PPM1E: variants seen among roughly 807,000 people sequenced by gnomAD.
PPM1E encodes protein phosphatase 1E.
In PPM1E, 20 loss-of-function variants were observed where a neutral mutation model predicts 65.9. The observed-to-expected ratio is 0.30, with a 90% CI of 0.21 to 0.44. The LOEUF (loss-of-function observed/expected upper bound fraction) is 0.44. Ranked by LOEUF, PPM1E falls within the 20% of genes least tolerant of loss-of-function variation. PPM1E has a pLI of 1.00. For synonymous variants in PPM1E, 352 were observed against 374.9 expected (o/e 0.94, Z 0.70); for missense variants, 713 against 953.1 (o/e 0.75, Z 3.32).
intron 1 of PPM1E, among the ~76,000 whole-genome samples, chr17:58,945,130 G>C (rs2052129791): frequency 6.7e-6 from 1 of 149,360 alleles, no homozygotes; most frequent in South Asian, 2.1e-4. Flanking sequence ...CTGTTTTTCT[G>C]TACAGTCACA....
chr17:58,894,646 C>G (rs1381289615), intron 1 of PPM1E, among the ~76,000 whole-genome samples: 1 of 152,104 alleles, frequency 6.6e-6, no homozygotes, highest in Non-Finnish European at 1.5e-5. Flanking sequence ...CTTCATTGAT[C>G]TTTCCCATGT....
At chr17:58,796,716 C>T (rs181984939) in intron 1 of PPM1E, among the ~76,000 whole-genome samples, 2 of 152,310 alleles carry the variant, frequency 1.3e-5, no homozygotes, top group East Asian at 3.9e-4. Flanking sequence ...ATACCCACAA[C>T]TTTGATTCTA....
intron 1 of PPM1E, among the ~76,000 whole-genome samples, chr17:58,815,723 T>C (rs1223470582): frequency 6.6e-6 from 1 of 152,200 alleles, no homozygotes; most frequent in Non-Finnish European, 1.5e-5. Flanking sequence ...AATAACAAAC[T>C]AATTGCAAGT....
intron 1 of PPM1E, among the ~76,000 whole-genome samples, chr17:58,904,534 T>G (rs994811782): frequency 6.6e-6 from 1 of 152,208 alleles, no homozygotes; most frequent in Admixed American, 6.5e-5. Flanking sequence ...CTAGAAGATA[T>G]CTGCAAAATA....
chr17:58,759,005 G>T, intron 1 of PPM1E, among the ~76,000 whole-genome samples: 1 of 152,136 alleles, frequency 6.6e-6, no homozygotes, highest in East Asian at 1.9e-4. Context: ...AGGAGGCGGA[G>T]GTTGCAGTGA....
chr17:58,973,001 A>AATGAGCTAGAAGAGG, intron 6 of PPM1E, 76 bp downstream of exon 6: 1 of 932,422 alleles, frequency 1.1e-6, no homozygotes, highest in Non-Finnish European at 1.7e-6. Flanking sequence ...TGATACAGGG[A>AATGAGCTAGAAGAGG]ACCTGAGATG....
chr17:58,895,328 G>A (rs556163668), intron 1 of PPM1E, among the ~76,000 whole-genome samples: 1 of 152,320 alleles, frequency 6.6e-6, no homozygotes, highest in African/African-American at 2.4e-5. Flanking sequence ...AAACGTTCAA[G>A]TGAAAGGAAA....
At chr17:58,947,834 A>C (rs2052182797) in intron 1 of PPM1E, among the ~76,000 whole-genome samples, 1 of 152,098 alleles carries the variant, frequency 6.6e-6, no homozygotes, top group Non-Finnish European at 1.5e-5. Context: ...CTCTGTTCCA[A>C]CTGGGGTCTC....
Position 58,965,784 on chromosome 17 carries a change from G to A in PPM1E, c.674G>A (p.Arg225Lys). ...GTGAAAGACTTCCCCCTCCGCAGGA[G>A]ACCCCAGCTTTATTATGAGACATCA... ...SWVKDFPLRRRPQLYYETSIH... is the reference protein window; with the variant it reads ...SWVKDFPLRRKPQLYYETSIH... Residue 225 changes from arginine (R) to lysine (K), a missense_variant, in exon 3 of 7, where the codon AGA (arginine) becomes AAA (lysine). Arg to Lys is a conservative substitution (Grantham distance 26). Transcript: ENST00000308249. 1 of 1,614,096 alleles carries A rather than the reference G, an allele frequency of 6.2e-7. No individual in the cohort carries two copies. Among genetic ancestry groups the A allele is most frequent in the Non-Finnish European group, 8.5e-7 (1 of 1,180,016 alleles).
chr17:58,910,569 A>G (rs1446182683), intron 1 of PPM1E, among the ~76,000 whole-genome samples: 2 of 152,192 alleles, frequency 1.3e-5, no homozygotes, highest in Admixed American at 6.5e-5. Flanking sequence ...ATAGCCAGAC[A>G]TGATGTATAG....
At chr17:58,795,139 G>A (rs2050194163) in intron 1 of PPM1E, among the ~76,000 whole-genome samples, 1 of 152,038 alleles carries the variant, frequency 6.6e-6, no homozygotes, top group African/African-American at 2.4e-5. Flanking sequence ...TGATCTGCCT[G>A]CCTTGGCCTC....
At chr17:58,887,649 A>T (rs2051291778) in intron 1 of PPM1E, among the ~76,000 whole-genome samples, 1 of 152,220 alleles carries the variant, frequency 6.6e-6, no homozygotes, top group African/African-American at 2.4e-5. Flanking sequence ...AAGTGAAAGA[A>T]TAGTATTACA....
intron 1 of PPM1E, among the ~76,000 whole-genome samples, chr17:58,800,934 TG>T: frequency 6.6e-6 from 1 of 152,316 alleles, no homozygotes; most frequent in South Asian, 2.1e-4. Context: ...CTTCATTGAT[TG>T]CAATTCTTTA....
chr17:58,935,344 G>A (rs942582250), intron 1 of PPM1E, among the ~76,000 whole-genome samples: 1 of 152,112 alleles, frequency 6.6e-6, no homozygotes, highest in Non-Finnish European at 1.5e-5. Context: ...GAAGTGCAAG[G>A]AGAAGAGGAG....
intron 1 of PPM1E, chr17:58,785,458 T>TTATATATATA (rs71367630): frequency 0.018 from 1,587 of 88,720 alleles, 51 homozygotes; most frequent in East Asian, 0.038. Context: ...CCTGGCTAAT[T>TTATATATATA]TATATATATA....
chr17:58,974,879 TAA>T (rs775571889), intron 6 of PPM1E, among the ~76,000 whole-genome samples: 1 of 152,134 alleles, frequency 6.6e-6, no homozygotes, highest in Non-Finnish European at 1.5e-5. Flanking sequence ...GAGAAATAGC[TAA>T]AAGAGTCTAC....
chr17:58,962,000 C>G (rs9907769), intron 2 of PPM1E, among the ~76,000 whole-genome samples: 139 of 152,130 alleles, frequency 9.1e-4, no homozygotes, highest in African/African-American at 3.3e-3. Flanking sequence ...TTTAAATAAC[C>G]ATGGCCGGGC....
chr17:58,756,572 C>T (rs964279026), intron 1 of PPM1E, 111 bp downstream of exon 1: 48 of 1,181,670 alleles, frequency 4.1e-5, no homozygotes, highest in Non-Finnish European at 4.9e-5. Context: ...CTCTCCCCCG[C>T]ACCCGCGCCT....
chr17:58,916,058 T>C (rs987032572), intron 1 of PPM1E, among the ~76,000 whole-genome samples: 20 of 152,186 alleles, frequency 1.3e-4, no homozygotes, highest in African/African-American at 4.3e-4. Flanking sequence ...TTGCCCAGTC[T>C]AGACTCAAAC....
Sources: allele counts gnomAD v4.1 joint callset (sites outside exome capture counted in the v4.1 genomes callset), GRCh38; gene constraint gnomAD v4.1.1; transcripts MANE v1.5; gene names NCBI Gene and HGNC (gene_info 2026-07-23, HGNC 2026-07-21).